The following MROH9 variants were observed in gnomAD, a reference collection of about 807,000 sequenced individuals.
MROH9 encodes the protein maestro heat-like repeat-containing protein family member 9.
A neutral mutation model predicts 98.2 loss-of-function variants in MROH9; 92 were observed. The observed-to-expected ratio is 0.94, with a 90% CI of 0.79 to 1.11. MROH9 has a LOEUF of 1.11. Among genes scored for constraint, MROH9 ranks in the 50% most tolerant of loss-of-function variants. The pLI is 0.00. For missense variants in MROH9, 1,057 were observed against 1,014.8 expected, an observed-to-expected ratio of 1.04 and a Z score of -0.57; for synonymous variants, 397 against 368.9, an observed-to-expected ratio of 1.08 and a Z score of -0.87.
At chr1:170,972,049 A>G (rs987919763) in intron 8 of MROH9, among the ~76,000 whole-genome samples, 166 bp downstream of exon 8, 1 of 152,172 alleles carries the variant, frequency 6.6e-6, no homozygotes, top group Admixed American at 6.6e-5. Context: ...AGCATTGTCA[A>G]GAAATTTTGG....
chr1:170,953,410 C>CA (rs142001503), intron 3 of MROH9, among the ~76,000 whole-genome samples: 7,522 of 150,506 alleles, frequency 0.05, 588 homozygotes, highest in African/African-American at 0.17. Context: ...CATCTAAAAA[C>CA]AAAAAAAAAC....
At chr1:170,988,649 A>T (rs1651238629) in intron 10 of MROH9, among the ~76,000 whole-genome samples, 1 of 152,196 alleles carries the variant, frequency 6.6e-6, no homozygotes. Flanking sequence ...AAAACAGTGG[A>T]TTCTTGTCTT....
intron 6 of MROH9, 87 bp downstream of exon 6, chr1:170,962,063 C>A (rs752157009): frequency 1.7e-4 from 119 of 702,578 alleles, no homozygotes; most frequent in Admixed American, 3.9e-4. Context: ...GCTATATTTG[C>A]ATCTCCTTCA....
chr1:171,014,640 T>A (rs1652269263), intron 16 of MROH9, among the ~76,000 whole-genome samples: 3 of 152,228 alleles, frequency 2.0e-5, no homozygotes, highest in African/African-American at 7.2e-5. Flanking sequence ...CTACTCATAA[T>A]GTTCCTACTT....
At chr1:170,986,844 C>A in intron 10 of MROH9, 134 bp downstream of exon 10, 1 of 1,060,682 alleles carries the variant, frequency 9.4e-7, no homozygotes. Flanking sequence ...TATAATGAGG[C>A]TTTTGGTTTT....
intron 15 of MROH9, chr1:170,998,819 A>T (rs1423244987): frequency 2.3e-6 from 2 of 880,544 alleles, no homozygotes; most frequent in Non-Finnish European, 2.7e-6. Flanking sequence ...ATCAAATCTA[A>T]TTTTTTCATT....
chr1:171,041,164 C>T (rs1653284588), intron 20 of MROH9, among the ~76,000 whole-genome samples: 1 of 151,716 alleles, frequency 6.6e-6, no homozygotes, highest in Admixed American at 6.6e-5. Flanking sequence ...TCACCAGCAT[C>T]TATTATTCCA....
intron 20 of MROH9, among the ~76,000 whole-genome samples, chr1:171,044,955 T>C (rs1653416086): frequency 6.8e-6 from 1 of 147,528 alleles, no homozygotes; most frequent in South Asian, 2.2e-4. Flanking sequence ...TTCAATTCCA[T>C]TTATTTCTGC....
intron 16 of MROH9, among the ~76,000 whole-genome samples, chr1:171,015,670 C>G (rs1320947216): frequency 6.6e-6 from 1 of 151,992 alleles, no homozygotes; most frequent in African/African-American, 2.4e-5. Flanking sequence ...TCACTATCAT[C>G]TAATTTAGAG....
At chr1:170,939,488 G>A (rs1649033328) in intron 1 of MROH9, among the ~76,000 whole-genome samples, 1 of 152,174 alleles carries the variant, frequency 6.6e-6, no homozygotes, top group South Asian at 2.1e-4. Context: ...AAACCAGGCT[G>A]TTTTCTTCCT....
At position 171,024,684 on chromosome 1, in the gene MROH9, A is replaced by G. The variant is rs1385487459; in HGVS notation, c.2097A>G (p.Gln699=). 1 of 1,551,252 alleles carries G rather than the reference A, an allele frequency of 6.4e-7. No individual in the cohort carries two copies. The highest frequency in any genetic ancestry group is 1.7e-4 in the Middle Eastern group (1 of 5,988). ...ATACATTAAAAATCTGTACCTCACA[A>G]TTAAAGTGGTCAACATCACGTTTGC... is the stretch of plus-strand genomic sequence containing the variant. ...CKYTLKICTS[Q]LKWSTSRLLK... is the part of the protein sequence containing the mutation. The change falls in exon 19 of 22, where the codon CAA becomes CAG. Residue 699 remains glutamine (Q), a synonymous_variant. Transcript: ENST00000367759.
At chr1:171,034,939 C>T (rs1182993262) in intron 20 of MROH9, among the ~76,000 whole-genome samples, 3 of 152,032 alleles carry the variant, frequency 2.0e-5, no homozygotes, top group South Asian at 2.1e-4. Flanking sequence ...TATATCAGAC[C>T]GGCAAATGAT....
intron 7 of MROH9, among the ~76,000 whole-genome samples, chr1:170,969,268 T>C (rs1650346575): frequency 6.6e-6 from 1 of 152,154 alleles, no homozygotes; most frequent in African/African-American, 2.4e-5. Context: ...GTTGTATACA[T>C]GCTACAACAT....
intron 20 of MROH9, among the ~76,000 whole-genome samples, chr1:171,050,511 T>C (rs144530444): frequency 6.6e-6 from 1 of 152,360 alleles, no homozygotes; most frequent in Non-Finnish European, 1.5e-5. Context: ...TGCTACTGAT[T>C]TCAGTATGTT....
chr1:170,998,532 T>A (rs923896227), intron 15 of MROH9: 2 of 1,423,754 alleles, frequency 1.4e-6, no homozygotes, highest in Non-Finnish European at 1.8e-6. Context: ...AAACTAATTA[T>A]TTTTTAGGAC....
At chr1:170,993,361 T>G (rs962688873) in intron 12 of MROH9, among the ~76,000 whole-genome samples, 1 of 152,200 alleles carries the variant, frequency 6.6e-6, no homozygotes, top group African/African-American at 2.4e-5. Context: ...TCCTTCCAGC[T>G]GATGAAATTC....
chr1:171,055,764 G>C (rs1410436043), intron 20 of MROH9, among the ~76,000 whole-genome samples: 1 of 151,948 alleles, frequency 6.6e-6, no homozygotes, highest in Non-Finnish European at 1.5e-5. Context: ...CCATTGAAAA[G>C]AACCATAATA....
At chr1:170,986,132 T>G (rs1651122514) in intron 9 of MROH9, among the ~76,000 whole-genome samples, 1 of 152,176 alleles carries the variant, frequency 6.6e-6, no homozygotes, top group Admixed American at 6.5e-5. Flanking sequence ...AAAGGCCTTT[T>G]ATTTCTTTCT....
At position 170,959,607 on chromosome 1, in the gene MROH9, T is replaced by C. The variant is rs1435124879; in HGVS notation, c.288+10T>C. The C allele has an allele frequency of 1.2e-6, 2 of 1,610,260 alleles. No homozygotes were observed. Among genetic ancestry groups the C allele is most frequent in the Non-Finnish European group, 1.7e-6 (2 of 1,178,700 alleles). On this transcript the variant is annotated intron_variant, in intron 5 of 21. Coordinates refer to ENST00000367759, the MANE Select transcript of MROH9 (RefSeq NM_001163629.2). Reference sequence around the variant, plus strand: ...CATTGAGGACATGGAGGTAAAATTTTTCTTCCTTTAATCATTATAGGATGT... The same window carrying C: ...CATTGAGGACATGGAGGTAAAATTTCTCTTCCTTTAATCATTATAGGATGT...
Sources: gnomAD v4.1 joint callset for allele counts (sites outside exome capture counted in the v4.1 genomes callset) on GRCh38, gnomAD v4.1.1 for gene constraint, MANE v1.5 for transcripts, NCBI Gene and HGNC (gene_info 2026-07-23, HGNC 2026-07-21) for gene names.